RYR2: variants seen among roughly 807,000 people sequenced by gnomAD.
RYR2 encodes ryanodine receptor 2.
RYR2 carries 227 observed loss-of-function variants against 601.1 expected under a neutral mutation model. The ratio of observed to expected loss-of-function variants is 0.38; its 90% confidence interval spans 0.34 to 0.42. The LOEUF (loss-of-function observed/expected upper bound fraction) is 0.42. RYR2 is among the 10% of genes least tolerant of loss of function. The probability of loss-of-function intolerance (pLI) is 1.00; values close to 1 mark genes in which losing one functional copy is unlikely to be tolerated. For missense variants in RYR2, 4,646 were observed against 6,156.5 expected (o/e 0.75, Z 8.21); for synonymous variants, 2,223 against 2,175.1 (o/e 1.02, Z -0.61).
chr1:237,528,867 G>A (rs114928065), intron 24 of RYR2, among the ~76,000 whole-genome samples: 2 of 151,998 alleles, frequency 1.3e-5, no homozygotes, highest in Non-Finnish European at 2.9e-5. Context: ...GATCAGCTTG[G>A]GAAGACACAT....
At chr1:237,653,171 T>A (rs556521814) in intron 51 of RYR2, among the ~76,000 whole-genome samples, 1 of 152,110 alleles carries the variant, frequency 6.6e-6, no homozygotes, top group Non-Finnish European at 1.5e-5. Context: ...AGGAGCAACG[T>A]AGACAATCAG....
At chr1:237,598,355 C>T (rs956428357) in intron 34 of RYR2, among the ~76,000 whole-genome samples, 5 of 152,184 alleles carry the variant, frequency 3.3e-5, no homozygotes, top group Non-Finnish European at 7.3e-5. Flanking sequence ...AGATGTATAG[C>T]TGAAGAATAC....
Position 237,593,610 on chromosome 1 carries a change from A to T in RYR2, c.4410A>T (p.Gly1470=). The T allele has an allele frequency of 6.2e-7, 1 of 1,613,886 alleles. No individual in the cohort carries two copies. Among genetic ancestry groups the T allele is most frequent in the Non-Finnish European group, 8.5e-7 (1 of 1,179,826 alleles). Residue 1470 remains glycine (G), a synonymous_variant, in exon 33 of 105, where the codon GGA becomes GGT. Coordinates refer to ENST00000366574, the MANE Select transcript of RYR2 (RefSeq NM_001035.3). Reference sequence around the variant, plus strand: ...TTCGCACAGTAACAGTTACTCTAGGAGATGAAAAAGGAAAAGTGCATGAAA... The same window carrying T: ...TTCGCACAGTAACAGTTACTCTAGGTGATGAAAAAGGAAAAGTGCATGAAA... The part of the protein sequence containing the change: ...DRVRTVTVTL[G]DEKGKVHESI...
intron 1 of RYR2, among the ~76,000 whole-genome samples, chr1:237,259,019 C>T (rs1047586017): frequency 6.6e-6 from 1 of 151,978 alleles, no homozygotes; most frequent in East Asian, 1.9e-4. Flanking sequence ...AGGGCTCTGA[C>T]ATCATCTTGA....
chr1:237,316,028 G>A lies in RYR2; in HGVS notation c.169-14850G>A, dbSNP rs183905513. On this transcript the variant is annotated intron_variant, in intron 2 of 104. Coordinates refer to ENST00000366574, the MANE Select transcript of RYR2 (RefSeq NM_001035.3). ...AAGGGACTGGAGATGAAGAGATGGG[G>A]GCAGGGGGATCAGGTTAGAGAGATG... Among the ~76,000 whole-genome samples, 334 of 152,166 alleles carry A rather than the reference G, an allele frequency of 2.2e-3. 1 individual carries two copies. Among genetic ancestry groups the A allele is most frequent in the Non-Finnish European group, 3.6e-3 (246 of 67,980 alleles).
At chr1:237,077,697 G>T (rs868765753) in intron 1 of RYR2, among the ~76,000 whole-genome samples, 25 of 150,880 alleles carry the variant, frequency 1.7e-4, no homozygotes, top group African/African-American at 5.8e-4. Context: ...ACACCCCACT[G>T]TCAACATTAG....
chr1:237,312,528 A>G (rs184867032), intron 2 of RYR2, among the ~76,000 whole-genome samples: 2 of 152,354 alleles, frequency 1.3e-5, no homozygotes, highest in African/African-American at 4.8e-5. Flanking sequence ...ATTTTTAACA[A>G]TGAAAAACTA....
rs1219741500 is a variant in RYR2 at position 237,830,526 on chromosome 1, C to G, written c.14656-4C>G. ...TGACGTTAATATTTCCCTTTGTTTT[C>G]TAGACCAAATGCTTCATCTGTGGGA... On this transcript the variant is annotated splice_region_variant and splice_polypyrimidine_tract_variant and intron_variant, in intron 102 of 104. Transcript: ENST00000366574. 1 of 1,581,282 alleles carries G rather than the reference C, an allele frequency of 6.3e-7. No homozygotes were observed. The highest frequency in any genetic ancestry group is 8.7e-7 in the Non-Finnish European group (1 of 1,150,302).
At chr1:237,289,843 A>C (rs937508130) in intron 2 of RYR2, among the ~76,000 whole-genome samples, 3 of 152,250 alleles carry the variant, frequency 2.0e-5, no homozygotes, top group Non-Finnish European at 4.4e-5. Flanking sequence ...GGAAATGCTA[A>C]GATTTTTTGT....
chr1:237,772,170 A>G, intron 86 of RYR2, 70 bp downstream of exon 86: 1 of 848,392 alleles, frequency 1.2e-6, no homozygotes, highest in Non-Finnish European at 1.9e-6. Context: ...CAGAGTTTTA[A>G]TGTGTTTTGG....
At chr1:237,297,501 C>T in intron 2 of RYR2, among the ~76,000 whole-genome samples, 1 of 152,062 alleles carries the variant, frequency 6.6e-6, no homozygotes, top group East Asian at 1.9e-4. Context: ...CTTTAGAACT[C>T]AGGAACAATA....
Position 237,374,582 on chromosome 1 carries a change from C to T in RYR2, c.385-135C>T, listed in dbSNP as rs1468710470. 3.5e-5 allele frequency: 24 copies of T among 690,992 alleles called. 1 individual carries two copies. The East Asian group carries it at 6.8e-4, about 20-fold the overall frequency. 42.8% of individuals were successfully genotyped at this position (690,992 alleles called of 1,614,324 possible). On this transcript the variant is annotated intron_variant, in intron 6 of 104. Coordinates refer to ENST00000366574, the MANE Select transcript of RYR2 (RefSeq NM_001035.3). ...CTGAGGTGGGATGACTGCTTGAGCC[C>T]AGGAGGTTGAGGCTGCAGTGAGCTG...
At chr1:237,365,460 A>G (rs976931154) in intron 5 of RYR2, among the ~76,000 whole-genome samples, 4 of 152,220 alleles carry the variant, frequency 2.6e-5, no homozygotes, top group African/African-American at 4.8e-5. Flanking sequence ...GAAGCCATCT[A>G]TCAACCAGGA....
intron 29 of RYR2, among the ~76,000 whole-genome samples, chr1:237,587,266 T>C (rs1364215960): frequency 2.6e-5 from 4 of 152,194 alleles, no homozygotes; most frequent in African/African-American, 9.7e-5. Context: ...CAACATTGAG[T>C]GTTAGGACTC....
chr1:237,401,912 T>G (rs1489472796), intron 10 of RYR2, among the ~76,000 whole-genome samples: 1 of 152,104 alleles, frequency 6.6e-6, no homozygotes, highest in Non-Finnish European at 1.5e-5. Context: ...ACAAAGCCAC[T>G]TCTATTCACT....
intron 1 of RYR2, among the ~76,000 whole-genome samples, chr1:237,194,049 T>C (rs1157661019): frequency 1.3e-5 from 2 of 152,256 alleles, no homozygotes; most frequent in African/African-American, 4.8e-5. Flanking sequence ...ATTAGAGCAC[T>C]TGGAAAGGAA....
chr1:237,756,957 A>G (rs541405467), intron 81 of RYR2, among the ~76,000 whole-genome samples: 194 of 152,328 alleles, frequency 1.3e-3, no homozygotes, highest in Non-Finnish European at 2.1e-3. Context: ...TTTTTTAACA[A>G]TTAAGATGCT....
At chr1:237,556,032 C>A (rs1025251614) in intron 27 of RYR2, among the ~76,000 whole-genome samples, 4 of 152,142 alleles carry the variant, frequency 2.6e-5, no homozygotes, top group Middle Eastern at 3.4e-3. Flanking sequence ...AGAATGGTGC[C>A]AGATAAGTAA....
At chr1:237,356,710 G>GT (rs1699328272) in intron 4 of RYR2, among the ~76,000 whole-genome samples, 3 of 151,798 alleles carry the variant, frequency 2.0e-5, no homozygotes, top group African/African-American at 7.3e-5. Context: ...TTATCTGTTA[G>GT]GAAAAAATAA....
Sources: gnomAD v4.1 joint callset for allele counts (sites outside exome capture counted in the v4.1 genomes callset) on GRCh38, gnomAD v4.1.1 for gene constraint, MANE v1.5 for transcripts, NCBI Gene and HGNC (gene_info 2026-07-23, HGNC 2026-07-21) for gene names.